MGAT4C: variants seen among roughly 807,000 people sequenced by gnomAD.
The protein encoded by MGAT4C is MGAT4 family member C.
A neutral mutation model predicts 40.1 loss-of-function variants in MGAT4C; 19 were observed. The ratio of observed to expected loss-of-function variants is 0.47; its 90% CI spans 0.33 to 0.70. MGAT4C has a LOEUF of 0.70. MGAT4C is among the 30% of genes least tolerant of loss of function. The pLI is 0.02. For missense variants in MGAT4C, 491 were observed against 563.2 expected (o/e 0.87, Z 1.30); for synonymous variants, 181 against 187.1 (o/e 0.97, Z 0.27).
intron 1 of MGAT4C, among the ~76,000 whole-genome samples, chr12:86,791,864 C>T (rs749473524): frequency 6.6e-6 from 1 of 152,140 alleles, no homozygotes; most frequent in Non-Finnish European, 1.5e-5. Flanking sequence ...AGAGAAGAAC[C>T]CAACTTCATG....
At chr12:86,426,610 T>C (rs1465165361) in intron 3 of MGAT4C, among the ~76,000 whole-genome samples, 2 of 152,108 alleles carry the variant, frequency 1.3e-5, no homozygotes, top group African/African-American at 4.8e-5. Flanking sequence ...TCCAAATGCA[T>C]ACTCCATTCA....
At chr12:86,150,212 T>A (rs1884104533) in intron 1 of MGAT4C, among the ~76,000 whole-genome samples, 1 of 152,176 alleles carries the variant, frequency 6.6e-6, no homozygotes, top group African/African-American at 2.4e-5. Context: ...TTACAAGACA[T>A]GAACAGACAG....
chr12:86,090,532 T>A (rs1397996079), intron 1 of MGAT4C, among the ~76,000 whole-genome samples: 1 of 151,818 alleles, frequency 6.6e-6, no homozygotes, highest in Non-Finnish European at 1.5e-5. Flanking sequence ...GTTGCAGTAC[T>A]TTTCTCTCAT....
chr12:86,338,974 A>C (rs1954847491), intron 3 of MGAT4C, among the ~76,000 whole-genome samples: 1 of 151,030 alleles, frequency 6.6e-6, no homozygotes, highest in South Asian at 2.1e-4. Flanking sequence ...AAAAAAAAAA[A>C]AAAAAAAACA....
intron 1 of MGAT4C, among the ~76,000 whole-genome samples, chr12:86,226,777 T>C (rs917078273): frequency 6.6e-6 from 1 of 151,938 alleles, no homozygotes; most frequent in Non-Finnish European, 1.5e-5. Flanking sequence ...TCCTTTCTTT[T>C]CAGCGTTGTC....
intron 1 of MGAT4C, among the ~76,000 whole-genome samples, chr12:86,068,696 C>A (rs1405789339): frequency 6.6e-6 from 1 of 151,914 alleles, no homozygotes; most frequent in Non-Finnish European, 1.5e-5. Flanking sequence ...CCAATCTAAT[C>A]TATAGTCGAG....
intron 1 of MGAT4C, among the ~76,000 whole-genome samples, chr12:86,110,298 C>A (rs75284241): frequency 0.051 from 789 of 15,552 alleles, 90 homozygotes; most frequent in Middle Eastern, 0.062. Context: ...TATATAGTCT[C>A]TCTATATATA....
chr12:86,421,760 A>G (rs1215500305), intron 3 of MGAT4C, among the ~76,000 whole-genome samples: 1 of 152,182 alleles, frequency 6.6e-6, no homozygotes, highest in African/African-American at 2.4e-5. Context: ...CTGGGCGACA[A>G]GAGAGAGACT....
chr12:86,801,396 G>C lies in MGAT4C; in HGVS notation c.-262+37270C>G, dbSNP rs1481018747. Among the ~76,000 whole-genome samples, 5 of 151,834 alleles carry C rather than the reference G, an allele frequency of 3.3e-5. No individual in the cohort carries two copies. In the South Asian group the frequency reaches 1.0e-3, roughly 31 times the overall value. On this transcript the variant is annotated intron_variant, in intron 1 of 7. Transcript: ENST00000548651. ...TATGGACTGAATCCCCAAGGACTCA[G>C]TGGAAGAGATTCAAAATTTAGGAAC...
Position 86,093,228 on chromosome 12 carries a change from C to T in MGAT4C, c.-56-43505G>A, listed in dbSNP as rs541764390. ...CTTCCCTTATTACTAAATCTTCTTT[C>T]GAATTTTATCACTATGTTCCTTTCT... On this transcript the variant is annotated intron_variant, in intron 1 of 4. Coordinates refer to ENST00000611864, the MANE Select transcript of MGAT4C (RefSeq NM_001351288.2). Among the ~76,000 whole-genome samples the T allele has an allele frequency of 1.5e-4, 23 of 152,198 alleles. No homozygotes were observed. The South Asian group carries it at 3.3e-3, about 22-fold the overall frequency.
intron 2 of MGAT4C, among the ~76,000 whole-genome samples, chr12:86,440,873 A>C (rs1468998532): frequency 2.0e-5 from 3 of 152,038 alleles, no homozygotes; most frequent in Non-Finnish European, 4.4e-5. Flanking sequence ...TCCCTTTTAC[A>C]ATAACTAAAA....
intron 2 of MGAT4C, among the ~76,000 whole-genome samples, chr12:86,590,191 G>A (rs1051361898): frequency 7.2e-5 from 11 of 152,012 alleles, no homozygotes; most frequent in Admixed American, 5.9e-4. Flanking sequence ...CTCTACAGCC[G>A]CGATTCTCTA....
intron 2 of MGAT4C, among the ~76,000 whole-genome samples, chr12:86,608,897 GTATTT>G (rs1167726662): frequency 6.6e-6 from 1 of 152,032 alleles, no homozygotes. Flanking sequence ...TTTTCACACT[GTATTT>G]TATATTTGCC....
At chr12:86,497,162 T>G (rs1275298392) in intron 2 of MGAT4C, among the ~76,000 whole-genome samples, 2 of 152,026 alleles carry the variant, frequency 1.3e-5, no homozygotes, top group Non-Finnish European at 2.9e-5. Context: ...ATTCAAAATG[T>G]GTACTTCCTT....
intron 2 of MGAT4C, among the ~76,000 whole-genome samples, chr12:86,624,281 A>G (rs115910390): frequency 0.02 from 3,028 of 152,246 alleles, 93 homozygotes; most frequent in African/African-American, 0.069. Context: ...GTTGACACAT[A>G]CAGGGAGCAT....
At chr12:86,133,147 T>C (rs980732255) in intron 1 of MGAT4C, among the ~76,000 whole-genome samples, 7 of 152,234 alleles carry the variant, frequency 4.6e-5, no homozygotes, top group Non-Finnish European at 1.0e-4. Flanking sequence ...GTATACTTTC[T>C]TTTCCAATTA....
intron 2 of MGAT4C, among the ~76,000 whole-genome samples, chr12:86,480,700 T>C (rs563699919): frequency 2.4e-4 from 36 of 151,870 alleles, no homozygotes; most frequent in African/African-American, 8.2e-4. Context: ...GATAGTTACA[T>C]GCTACTTATA....
rs547682225 is a variant in MGAT4C at position 85,978,949 on chromosome 12, G to T, written c.*340C>A. The T allele has an allele frequency of 9.7e-5, 17 of 174,550 alleles. No individual in the cohort carries two copies. Among genetic ancestry groups the T allele is most frequent in the Non-Finnish European group, 1.8e-4 (15 of 82,136 alleles). 10.8% of individuals were successfully genotyped at this position (174,550 alleles called of 1,614,324 possible). ...GTTCTTGAGGAAGTATATACAGTTG[G>T]TGACTATTTTTCAAAAATCATCATC... On this transcript the variant is annotated 3_prime_UTR_variant, in exon 5 of 5. Transcript: ENST00000611864.
chr12:86,635,992 A>G (rs1963208836), intron 2 of MGAT4C, among the ~76,000 whole-genome samples: 1 of 151,834 alleles, frequency 6.6e-6, no homozygotes, highest in Admixed American at 6.6e-5. Context: ...CCTTTTCTAT[A>G]TTTAGATATG....
Sources: allele counts gnomAD v4.1 joint callset (sites outside exome capture counted in the v4.1 genomes callset), GRCh38; gene constraint gnomAD v4.1.1; transcripts MANE v1.5; gene names NCBI Gene and HGNC (gene_info 2026-07-23, HGNC 2026-07-21).